Variants in HYDIN observed in about 807,000 individuals in gnomAD.
HYDIN encodes the protein HYDIN axonemal central pair apparatus protein.
HYDIN carries 132 observed loss-of-function variants against 403.9 expected under a neutral mutation model. The observed-to-expected ratio is 0.33, with a 90% confidence interval of 0.28 to 0.38. The LOEUF is 0.38. HYDIN is among the 10% of genes least tolerant of loss of function. HYDIN has a pLI of 1.00. For synonymous variants in HYDIN, 1,202 were observed against 1,891.7 expected, an observed-to-expected ratio of 0.64 and a Z score of 9.46; for missense variants, 2,827 against 5,009.5, an observed-to-expected ratio of 0.56 and a Z score of 13.15.
intron 15 of HYDIN, chr16:71,067,042 T>A (rs2082295268): frequency 1.6e-6 from 1 of 641,772 alleles, no homozygotes. Context: ...GTCTGACCCG[T>A]TTTTTCACTA....
At chr16:71,207,492 G>C (rs541373923) in intron 1 of HYDIN, among the ~76,000 whole-genome samples, 3 of 152,146 alleles carry the variant, frequency 2.0e-5, no homozygotes, top group Non-Finnish European at 4.4e-5. Flanking sequence ...AAACCAGTGA[G>C]ACTATAAAGC....
intron 73 of HYDIN, among the ~76,000 whole-genome samples, chr16:70,854,592 T>C (rs2038898856): frequency 6.9e-6 from 1 of 144,054 alleles, no homozygotes; most frequent in Admixed American, 7.0e-5. Context: ...TTTTGGTATT[T>C]TTAGTAGAGA....
At chr16:71,099,756 C>CT (rs2083399029) in intron 10 of HYDIN, among the ~76,000 whole-genome samples, 1 of 146,554 alleles carries the variant, frequency 6.8e-6, no homozygotes, top group African/African-American at 2.5e-5. Flanking sequence ...AATCCTAGTG[C>CT]TTTGAGAGGA....
Position 70,920,838 on chromosome 16 carries a change from C to T in HYDIN, c.7538G>A (p.Arg2513Lys). 2 of 1,581,146 alleles carry T rather than the reference C, an allele frequency of 1.3e-6. No individual in the cohort carries two copies. The highest frequency in any genetic ancestry group is 1.7e-6 in the Non-Finnish European group (2 of 1,162,610). ...GGRRGRKDRE[R>K]ERLEKERTEK... is the part of the protein sequence containing the mutation. ...CGTGCGCTCCTTCTCCAGGCGCTCT[C>T]TCTCCCGGTCCTTGCGGCCCCTGCG... The change falls in exon 46 of 86, where the codon AGA becomes AAA. Residue 2513 changes from arginine (R) to lysine (K), a missense_variant. Coordinates refer to ENST00000393567, the MANE Select transcript of HYDIN (RefSeq NM_001270974.2).
chr16:70,923,036 G>C (rs1163556546), intron 45 of HYDIN, among the ~76,000 whole-genome samples: 193 of 151,920 alleles, frequency 1.3e-3, no homozygotes, highest in Non-Finnish European at 2.1e-3. Context: ...CCAAAGTGTT[G>C]GGATTACAGG....
intron 18 of HYDIN, among the ~76,000 whole-genome samples, chr16:71,053,418 T>C (rs1161908069): frequency 6.6e-6 from 1 of 152,236 alleles, no homozygotes; most frequent in East Asian, 1.9e-4. Context: ...AATAACCCAA[T>C]TGTCAACAAG....
chr16:70,962,099 T>C lies in HYDIN; in HGVS notation c.5828A>G (p.Asn1943Ser), dbSNP rs776889988. ...DITSSDQGTS[N>S]STKRTSLSRG... ...GCTCAGCGATGTCCTCTTTGTGCTA[T>C]TGGAGGTTCCCTGATCTGATGAGGT... Residue 1943 changes from asparagine (N) to serine (S), a missense_variant, in exon 38 of 86, where the codon AAT (asparagine) becomes AGT (serine). Coordinates refer to ENST00000393567, the MANE Select transcript of HYDIN (RefSeq NM_001270974.2). The C allele has an allele frequency of 3.1e-5, 31 of 986,722 alleles. No individual in the cohort carries two copies. The African/African-American group carries it at 3.4e-4, about 11-fold the overall frequency. 61.1% of individuals were successfully genotyped at this position (986,722 alleles called of 1,614,324 possible).
At chr16:70,853,799 G>A (rs368329583) in intron 73 of HYDIN, among the ~76,000 whole-genome samples, 4,644 of 145,616 alleles carry the variant, frequency 0.032, 291 homozygotes, top group African/African-American at 0.12. Context: ...ACCAGGTTGT[G>A]ACATTTTACT....
At chr16:70,836,717 A>G (rs993879748) in intron 77 of HYDIN, among the ~76,000 whole-genome samples, 210 of 152,330 alleles carry the variant, frequency 1.4e-3, no homozygotes, top group East Asian at 5.2e-3. Context: ...CTTTAAACCC[A>G]GCCCACATGT....
rs779925194 is a variant in HYDIN at position 70,879,588 on chromosome 16, G to T, written c.10367+17C>A. The T allele has an allele frequency of 6.2e-6, 10 of 1,613,172 alleles. No homozygotes were observed. Among genetic ancestry groups the T allele is most frequent in the Non-Finnish European group, 7.6e-6 (9 of 1,179,872 alleles). On this transcript the variant is annotated intron_variant, in intron 61 of 85. Coordinates refer to ENST00000393567, the MANE Select transcript of HYDIN (RefSeq NM_001270974.2). The stretch of plus-strand genomic sequence containing the variant: ...GTCCTGCTGCAGGAGAGGGAGCTGG[G>T]AGCTGGGAGTTGGTACCTGGGCAAG...
At chr16:71,024,187 A>C (rs993277650) in intron 21 of HYDIN, among the ~76,000 whole-genome samples, 3 of 152,214 alleles carry the variant, frequency 2.0e-5, no homozygotes, top group Non-Finnish European at 4.4e-5. Flanking sequence ...GGCCACCCAG[A>C]ACAAAACCCA....
chr16:70,899,051 G>A (rs1193153641), intron 53 of HYDIN, among the ~76,000 whole-genome samples: 15 of 151,094 alleles, frequency 9.9e-5, no homozygotes, highest in African/African-American at 1.7e-4. Flanking sequence ...GATTACAGGC[G>A]TTAGCCACCA....
chr16:70,807,515 C>A lies in HYDIN; in HGVS notation c.*65G>T, dbSNP rs1463624940. On this transcript the variant is annotated 3_prime_UTR_variant, in exon 86 of 86. Transcript: ENST00000393567. ...GTTCCTTTAGAATTCTTATTGTTTT[C>A]TCTATTCTTTTTCAGGCTAAGACAA... The A allele has an allele frequency of 3.3e-6, 5 of 1,497,448 alleles. No homozygotes were observed. The Admixed American group carries it at 1.1e-4, about 34-fold the overall frequency. 92.8% of individuals were successfully genotyped at this position (1,497,448 alleles called of 1,614,324 possible). A position where few individuals can be genotyped will look rare whatever the true frequency, so the allele number is the denominator to read the frequency against.
rs187665692 is a variant in HYDIN, at chr16:70,806,014, A to G, written c.*1566T>C. On this transcript the variant is annotated 3_prime_UTR_variant, in exon 86 of 86. Transcript: ENST00000393567. ...ATGCTGTAGACACAACCTACTTGAT[A>G]GTCACTGAGTAGATGACTTGGGGTT... is the stretch of plus-strand genomic sequence containing the variant. 7.9e-5 allele frequency among the ~76,000 whole-genome samples: 12 copies of G among 152,310 alleles called. No individual in the cohort carries two copies. Among genetic ancestry groups the G allele is most frequent in the Non-Finnish European group, 1.5e-4 (10 of 68,020 alleles).
chr16:70,833,964 A>G lies in HYDIN; in HGVS notation c.13602T>C (p.Ile4534=), dbSNP rs1597074489. 1.9e-6 allele frequency: 3 copies of G among 1,613,100 alleles called. No individual in the cohort carries two copies. Among genetic ancestry groups the G allele is most frequent in the Non-Finnish European group, 2.5e-6 (3 of 1,179,650 alleles). The change falls in exon 79 of 86, where the codon ATT becomes ATC. Residue 4534 remains isoleucine (I), a synonymous_variant. Coordinates refer to ENST00000393567, the MANE Select transcript of HYDIN (RefSeq NM_001270974.2). ...ALEISLDQEH[I]PFGPVVYQTQ... is the part of the protein sequence containing the mutation. The stretch of plus-strand genomic sequence containing the variant: ...TCTGATACACCACGGGTCCAAAGGG[A>G]ATATGTTCCTGGTCCAGTGAGATCT...
chr16:71,070,880 A>G (rs985316106), intron 13 of HYDIN, among the ~76,000 whole-genome samples: 3 of 142,338 alleles, frequency 2.1e-5, no homozygotes, highest in African/African-American at 8.0e-5. Context: ...ACATTAGGCC[A>G]TTGGAGGAAA....
Position 71,002,835 on chromosome 16 carries a change from G to T in HYDIN, c.3645-10625C>A, listed in dbSNP as rs374416236. ...TGGGATTACAGGCACATGCCACCAT[G>T]CCCGGTTAATTTTTGTATTTTTAGT... On this transcript the variant is annotated intron_variant, in intron 23 of 85. Coordinates refer to ENST00000393567, the MANE Select transcript of HYDIN (RefSeq NM_001270974.2). Among the ~76,000 whole-genome samples, 61 of 151,140 alleles carry T rather than the reference G, an allele frequency of 4.0e-4. 1 individual carries two copies. The highest frequency in any genetic ancestry group is 1.4e-3 in the African/African-American group (59 of 41,102).
chr16:70,861,991 G>C (rs545268746), intron 69 of HYDIN, 57 bp downstream of exon 69: 36 of 1,466,596 alleles, frequency 2.5e-5, no homozygotes, highest in Non-Finnish European at 3.2e-5. Flanking sequence ...AAGGGGATAA[G>C]AGCCACAGAG....
chr16:71,229,322 A>G lies in HYDIN; in HGVS notation c.-24+1240T>C, dbSNP rs566534676. On this transcript the variant is annotated intron_variant, in intron 1 of 85. Transcript: ENST00000393567. Reference sequence around the variant, plus strand: ...AAGGAGAATAAAAATATATACATATAAAAAAAAGATCACCTGCTAACAAGG... The same window carrying G: ...AAGGAGAATAAAAATATATACATATGAAAAAAAGATCACCTGCTAACAAGG... Among the ~76,000 whole-genome samples, 5 of 152,202 alleles carry G rather than the reference A, an allele frequency of 3.3e-5. No homozygotes were observed. In the South Asian group the frequency reaches 1.0e-3, roughly 32 times the overall value.
Sources: allele counts gnomAD v4.1 joint callset (sites outside exome capture counted in the v4.1 genomes callset), GRCh38; gene constraint gnomAD v4.1.1; transcripts MANE v1.5; gene names NCBI Gene and HGNC (gene_info 2026-07-23, HGNC 2026-07-21).